The following FBXO10 variants were observed in gnomAD, a reference collection of about 807,000 sequenced individuals.
FBXO10 encodes the protein F-box protein 10, also known as F-box only protein 10.
FBXO10 carries 39 observed loss-of-function variants against 80.7 expected under a neutral mutation model. That is an observed-to-expected ratio of 0.48 (90% CI 0.37 to 0.63). The LOEUF is 0.63. Among genes scored for constraint, FBXO10 ranks in the 30% least tolerant of loss-of-function variants. The probability of loss-of-function intolerance (pLI) is 0.00; values close to 1 mark genes in which losing one functional copy is unlikely to be tolerated. For missense variants in FBXO10, 1,025 were observed against 1,269.0 expected, an observed-to-expected ratio of 0.81 and a Z score of 2.92; for synonymous variants, 449 against 489.6, an observed-to-expected ratio of 0.92 and a Z score of 1.09.
rs573355144 is a variant in FBXO10 at position 37,532,351 on chromosome 9, A to G, written c.1420-293T>C. 1.5e-3 allele frequency among the ~76,000 whole-genome samples: 196 copies of G among 133,596 alleles called. 3 individuals carry two copies. The highest frequency in any genetic ancestry group is 5.4e-3 in the African/African-American group (185 of 34,442). 87.6% of individuals were successfully genotyped at this position (133,596 alleles called of 152,430 possible). A position where few individuals can be genotyped will look rare whatever the true frequency, so the allele number is the denominator to read the frequency against. ...GGTCTTGCTCTGTTGCCCAGGCTGG[A>G]GTGCAGTGGCATGATCTCGGCTTAC... On this transcript the variant is annotated intron_variant, in intron 3 of 10. Transcript: ENST00000432825.
intron 1 of FBXO10, among the ~76,000 whole-genome samples, chr9:37,565,365 C>T (rs1029636121): frequency 1.3e-5 from 2 of 152,286 alleles, no homozygotes; most frequent in African/African-American, 2.4e-5. Flanking sequence ...GCTAGGGAAA[C>T]AAACCAATAA....
rs779389401 is a variant in FBXO10, at chr9:37,552,691, C to CA, written c.-6-10918dup. Reference sequence around the variant, plus strand: ...TGTGTGACAGAGCGAGACTCCATATCAAAAAAAAAAAAAAAAAAAAAGAAC... The same window carrying CA: ...TGTGTGACAGAGCGAGACTCCATATCAAAAAAAAAAAAAAAAAAAAAAGAAC... On this transcript the variant is annotated intron_variant, in intron 1 of 10. Transcript: ENST00000432825. Among the ~76,000 whole-genome samples, 773 of 95,214 alleles carry CA rather than the reference C, an allele frequency of 8.1e-3. 11 individuals carry two copies. The highest frequency in any genetic ancestry group is 0.017 in the South Asian group (47 of 2,786). 62.5% of individuals were successfully genotyped at this position (95,214 alleles called of 152,430 possible). A position where few individuals can be genotyped will look rare whatever the true frequency, so the allele number is the denominator to read the frequency against.
At chr9:37,576,030 G>A (rs1332286047) in intron 1 of FBXO10, among the ~76,000 whole-genome samples, 181 bp downstream of exon 1, 1 of 152,146 alleles carries the variant, frequency 6.6e-6, no homozygotes, top group Non-Finnish European at 1.5e-5. Context: ...GCGGAGCCGC[G>A]GGCGGCCTGA....
At chr9:37,541,831 C>CT in intron 1 of FBXO10, 57 bp from the exon 2 acceptor site, 1 of 1,409,912 alleles carries the variant, frequency 7.1e-7, no homozygotes, top group Non-Finnish European at 9.5e-7. Context: ...ACCAGTCCCC[C>CT]TTTTTTATTT....
At chr9:37,549,289 C>T (rs1183352285) in intron 1 of FBXO10, among the ~76,000 whole-genome samples, 2 of 152,094 alleles carry the variant, frequency 1.3e-5, no homozygotes, top group South Asian at 2.1e-4. Flanking sequence ...CCCACAGCAC[C>T]CAGAGAACAG....
chr9:37,548,162 A>T (rs373603852), intron 1 of FBXO10, among the ~76,000 whole-genome samples: 20 of 152,298 alleles, frequency 1.3e-4, no homozygotes, highest in South Asian at 8.3e-4. Flanking sequence ...GGGCGGGTGG[A>T]TCACCTGAGG....
chr9:37,558,109 TA>T (rs1822381680), intron 1 of FBXO10, among the ~76,000 whole-genome samples: 1 of 152,224 alleles, frequency 6.6e-6, no homozygotes, highest in African/African-American at 2.4e-5. Context: ...GGGAGCACCA[TA>T]TACTGCGCAC....
At chr9:37,570,565 T>C (rs1034360470) in intron 1 of FBXO10, among the ~76,000 whole-genome samples, 1 of 152,046 alleles carries the variant, frequency 6.6e-6, no homozygotes, top group Non-Finnish European at 1.5e-5. Context: ...TTATGAAGAC[T>C]ATCACTGATG....
rs1821820943 is a variant in FBXO10, at chr9:37,538,069, T to C, written c.586-126A>G. 4.1e-6 allele frequency: 3 copies of C among 725,934 alleles called. No homozygotes were observed. The South Asian group carries it at 5.4e-5, about 13-fold the overall frequency. The allele number at this position is 725,934 out of a possible 1,614,324, so 45.0% of individuals were successfully genotyped here. On this transcript the variant is annotated intron_variant, in intron 2 of 10. Coordinates refer to ENST00000432825, the MANE Select transcript of FBXO10 (RefSeq NM_012166.3). ...CTGCTGATCATCTTCCCCTCCCCAC[T>C]GGGGTCTGGATGTCAGCTGTCCCCA...
chr9:37,541,880 G>A (rs1364172156), intron 1 of FBXO10, 106 bp from the exon 2 acceptor site: 10 of 926,012 alleles, frequency 1.1e-5, no homozygotes, highest in Non-Finnish European at 1.6e-5. Flanking sequence ...CCAGGCTGGA[G>A]TGCAGTGGTG....
chr9:37,555,506 G>A (rs973578967), intron 1 of FBXO10, among the ~76,000 whole-genome samples: 5 of 151,646 alleles, frequency 3.3e-5, no homozygotes, highest in Admixed American at 6.6e-5. Context: ...TCAGCCTCCC[G>A]AGTAGCTGGG....
chr9:37,519,452 C>T (rs1040177358), intron 8 of FBXO10, among the ~76,000 whole-genome samples: 1 of 105,380 alleles, frequency 9.5e-6, no homozygotes, highest in Non-Finnish European at 2.0e-5. Flanking sequence ...GAGGGCTCTG[C>T]GGTAGGTCCC....
rs1821374406 is a variant in FBXO10 at position 37,522,765 on chromosome 9, A to G, written c.1930+60T>C. 5 of 1,536,730 alleles carry G rather than the reference A, an allele frequency of 3.3e-6. No homozygotes were observed. In the South Asian group the frequency reaches 4.8e-5, roughly 15 times the overall value. ...GGCAGTGACCTTCTCAGGACCCACA[A>G]GCTGGAGATGGAACCTGGGCTTCCT... is the stretch of plus-strand genomic sequence containing the variant. On this transcript the variant is annotated intron_variant, in intron 7 of 10. Coordinates refer to ENST00000432825, the MANE Select transcript of FBXO10 (RefSeq NM_012166.3).
intron 4 of FBXO10, 137 bp from the exon 5 acceptor site, chr9:37,529,397 G>A: frequency 2.2e-6 from 2 of 918,916 alleles, no homozygotes; most frequent in Non-Finnish European, 3.3e-6. Flanking sequence ...CCTAGCCCGT[G>A]ACAAAGGGAA....
chr9:37,547,082 T>C (rs1442498842), intron 1 of FBXO10, among the ~76,000 whole-genome samples: 1 of 152,138 alleles, frequency 6.6e-6, no homozygotes, highest in Non-Finnish European at 1.5e-5. Flanking sequence ...ACAAGATAAA[T>C]GAAAATAGGT....
chr9:37,573,732 G>A (rs561166497), intron 1 of FBXO10, among the ~76,000 whole-genome samples: 7 of 152,306 alleles, frequency 4.6e-5, no homozygotes, highest in African/African-American at 1.4e-4. Flanking sequence ...AGACAAGAGT[G>A]AATGTAAACC....
rs1320127087 is a variant in FBXO10 at position 37,512,471 on chromosome 9, G to A, written c.*76C>T. 1 of 1,513,906 alleles carries A rather than the reference G, an allele frequency of 6.6e-7. No individual in the cohort carries two copies. Among genetic ancestry groups the A allele is most frequent in the East Asian group, 2.3e-5 (1 of 43,774 alleles). 93.8% of individuals were successfully genotyped at this position (1,513,906 alleles called of 1,614,324 possible). ...TTCGAGGGGGAGGGGGAGGGGCGGA[G>A]TCTTTTCAGGCAGTATTTCCACCTT... On this transcript the variant is annotated 3_prime_UTR_variant, in exon 11 of 11. Transcript: ENST00000432825.
At chr9:37,558,896 C>T (rs1382984554) in intron 1 of FBXO10, among the ~76,000 whole-genome samples, 1 of 151,950 alleles carries the variant, frequency 6.6e-6, no homozygotes, top group African/African-American at 2.4e-5. Context: ...CCGCAACCTC[C>T]ACCTCCCAGG....
rs189443060 is a variant in FBXO10, at chr9:37,530,774, G to C, written c.1569+1135C>G. ...CCCACCTCCGCCTCCCAAGTATCTGGGACGACAGGTGTGAGCTACCATGCC... is the reference window on the plus strand; with the variant it reads ...CCCACCTCCGCCTCCCAAGTATCTGCGACGACAGGTGTGAGCTACCATGCC... On this transcript the variant is annotated intron_variant, in intron 4 of 10. Coordinates refer to ENST00000432825, the MANE Select transcript of FBXO10 (RefSeq NM_012166.3). Among the ~76,000 whole-genome samples, 249 of 152,156 alleles carry C rather than the reference G, an allele frequency of 1.6e-3. 5 individuals carry two copies. Among genetic ancestry groups the C allele is most frequent in the Non-Finnish European group, 8.1e-4 (55 of 68,006 alleles).
Sources: allele counts gnomAD v4.1 joint callset (sites outside exome capture counted in the v4.1 genomes callset), GRCh38; gene constraint gnomAD v4.1.1; transcripts MANE v1.5; gene names NCBI Gene and HGNC (gene_info 2026-07-23, HGNC 2026-07-21).